ERC2: variants seen among roughly 807,000 people sequenced by gnomAD.
ERC2 encodes ERC protein 2.
ERC2 carries 42 observed loss-of-function variants against 114.8 expected under a neutral mutation model. The ratio of observed to expected loss-of-function variants is 0.37; its 90% CI spans 0.29 to 0.47. The LOEUF is 0.47. Among genes scored for constraint, ERC2 ranks in the 20% least tolerant of loss-of-function variants. The pLI, the probability that ERC2 is intolerant of heterozygous loss-of-function variation, is 0.99. For missense variants in ERC2, 939 were observed against 1,150.7 expected (o/e 0.82, Z 2.66); for synonymous variants, 454 against 425.5 (o/e 1.07, Z -0.82).
Position 56,429,035 on chromosome 3 carries a change from T to C in ERC2, c.657+5316A>G, listed in dbSNP as rs922805873. 2.6e-5 allele frequency among the ~76,000 whole-genome samples: 4 copies of C among 152,302 alleles called. No homozygotes were observed. The South Asian group carries it at 6.2e-4, about 24-fold the overall frequency. On this transcript the variant is annotated intron_variant, in intron 2 of 17. Coordinates refer to ENST00000288221, the MANE Select transcript of ERC2 (RefSeq NM_015576.3). ...GAAGAAATCCGTTAGAAATACAACG[T>C]TAACAATTGCACAAAATACCGAGGA...
At chr3:55,698,812 C>T (rs2063071657) in intron 16 of ERC2, among the ~76,000 whole-genome samples, 1 of 152,166 alleles carries the variant, frequency 6.6e-6, no homozygotes, top group African/African-American at 2.4e-5. Context: ...TGTAAAACCA[C>T]AGGCGGTTTT....
At chr3:56,002,013 T>C (rs963043676) in intron 10 of ERC2, among the ~76,000 whole-genome samples, 1 of 152,126 alleles carries the variant, frequency 6.6e-6, no homozygotes, top group Admixed American at 6.6e-5. Context: ...AAAAGAAACT[T>C]AAGCTGATTA....
intron 3 of ERC2, among the ~76,000 whole-genome samples, chr3:56,271,240 T>C (rs978979612): frequency 4.6e-5 from 7 of 152,254 alleles, no homozygotes; most frequent in Middle Eastern, 3.4e-3. Flanking sequence ...CCAGCCTTAA[T>C]GAAAGTCTCA....
At chr3:55,541,849 T>C (rs1279129572) in intron 17 of ERC2, among the ~76,000 whole-genome samples, 1 of 152,238 alleles carries the variant, frequency 6.6e-6, no homozygotes, top group Non-Finnish European at 1.5e-5. Context: ...GGTCAATGTG[T>C]TAATATGCCA....
chr3:55,671,726 G>A (rs1483356231), intron 17 of ERC2, among the ~76,000 whole-genome samples: 2 of 152,176 alleles, frequency 1.3e-5, no homozygotes, highest in African/African-American at 2.4e-5. Flanking sequence ...GGTTGTCCAG[G>A]CTTCGTGTTA....
intron 17 of ERC2, among the ~76,000 whole-genome samples, chr3:55,557,346 A>G (rs1051059150): frequency 9.2e-5 from 14 of 152,218 alleles, no homozygotes; most frequent in Non-Finnish European, 1.6e-4. Flanking sequence ...GGCAGACATC[A>G]GGAATTCTGC....
At chr3:56,299,495 T>C (rs185733901) in intron 2 of ERC2, among the ~76,000 whole-genome samples, 2 of 151,612 alleles carry the variant, frequency 1.3e-5, no homozygotes, top group Admixed American at 1.3e-4. Context: ...AGTGGCATGA[T>C]CTTGGCTCAC....
chr3:56,285,477 G>A (rs1265267241), intron 3 of ERC2, among the ~76,000 whole-genome samples: 2 of 152,080 alleles, frequency 1.3e-5, no homozygotes, highest in Non-Finnish European at 2.9e-5. Context: ...TGCTGAGACT[G>A]AAAATCCCTG....
intron 14 of ERC2, among the ~76,000 whole-genome samples, chr3:55,856,067 C>T (rs928803541): frequency 6.6e-6 from 1 of 152,228 alleles, no homozygotes; most frequent in Non-Finnish European, 1.5e-5. Context: ...AAAAGAACTT[C>T]ATCTTTGCCT....
chr3:55,926,484 T>C (rs938682694), intron 13 of ERC2, among the ~76,000 whole-genome samples: 1 of 152,050 alleles, frequency 6.6e-6, no homozygotes, highest in Non-Finnish European at 1.5e-5. Flanking sequence ...ATATCATTTA[T>C]CAAGGATTGA....
chr3:56,210,483 A>G (rs965453449), intron 3 of ERC2, among the ~76,000 whole-genome samples: 2 of 152,244 alleles, frequency 1.3e-5, no homozygotes, highest in African/African-American at 4.8e-5. Context: ...ATGCTATAAA[A>G]TGAATAATGC....
At chr3:56,313,800 C>A (rs1390739642) in intron 2 of ERC2, among the ~76,000 whole-genome samples, 1 of 152,104 alleles carries the variant, frequency 6.6e-6, no homozygotes, top group Non-Finnish European at 1.5e-5. Context: ...AGAAGCTACT[C>A]CAAGAGGAAG....
intron 13 of ERC2, among the ~76,000 whole-genome samples, chr3:55,891,507 C>T (rs1014642620): frequency 2.1e-4 from 27 of 130,750 alleles, no homozygotes; most frequent in Non-Finnish European, 3.2e-4. Context: ...AGTGCAGTGG[C>T]GTGATCTTGG....
chr3:56,063,229 T>C (rs6789050), intron 7 of ERC2, among the ~76,000 whole-genome samples: 37,121 of 152,056 alleles, frequency 0.24, 5,326 homozygotes, highest in Admixed American at 0.32. Flanking sequence ...GGGAGAGAGA[T>C]TGACCACAAA....
intron 17 of ERC2, among the ~76,000 whole-genome samples, chr3:55,593,684 T>C (rs1378486704): frequency 6.6e-6 from 1 of 152,174 alleles, no homozygotes; most frequent in Non-Finnish European, 1.5e-5. Flanking sequence ...GGTACTTTTA[T>C]GGGCCAATGA....
intron 17 of ERC2, among the ~76,000 whole-genome samples, chr3:55,583,957 T>C (rs952581976): frequency 2.0e-5 from 3 of 152,162 alleles, no homozygotes; most frequent in African/African-American, 7.2e-5. Context: ...GAATTTTGGC[T>C]TCTTCACTTA....
At chr3:55,922,485 G>A (rs989847068) in intron 13 of ERC2, among the ~76,000 whole-genome samples, 1 of 152,038 alleles carries the variant, frequency 6.6e-6, no homozygotes, top group Non-Finnish European at 1.5e-5. Flanking sequence ...CTCTTGGGAA[G>A]AAGAAAAGAT....
intron 3 of ERC2, among the ~76,000 whole-genome samples, chr3:56,191,860 CCA>C (rs139975277): frequency 6.6e-6 from 1 of 151,274 alleles, no homozygotes. Flanking sequence ...GCTGCACAGG[CCA>C]CACACACACA....
intron 17 of ERC2, among the ~76,000 whole-genome samples, chr3:55,585,767 G>GCAGC (rs910881629): frequency 6.6e-6 from 1 of 152,122 alleles, no homozygotes; most frequent in African/African-American, 2.4e-5. Flanking sequence ...TCCTTCCTTT[G>GCAGC]CAGCCATGTG....
Sources: allele counts gnomAD v4.1 joint callset (sites outside exome capture counted in the v4.1 genomes callset), GRCh38; gene constraint gnomAD v4.1.1; transcripts MANE v1.5; gene names NCBI Gene and HGNC (gene_info 2026-07-23, HGNC 2026-07-21).